Variants in PLEKHH2 observed in about 807,000 individuals in gnomAD.
The protein encoded by PLEKHH2 is pleckstrin homology, MyTH4 and FERM domain containing H2.
Under a neutral mutation model 187.9 loss-of-function variants are expected in PLEKHH2, and 129 were observed. The observed-to-expected ratio is 0.69, with a 90% CI of 0.59 to 0.79. PLEKHH2 has a LOEUF of 0.79. Among genes scored for constraint, PLEKHH2 ranks in the 30% least tolerant of loss-of-function variants. The probability of loss-of-function intolerance (pLI) is 0.00; values close to 1 mark genes in which losing one functional copy is unlikely to be tolerated. For synonymous variants in PLEKHH2, 686 were observed against 605.6 expected (o/e 1.13, Z -1.95); for missense variants, 2,076 against 1,751.2 (o/e 1.19, Z -3.31).
chr2:43,706,136 A>G (rs962300102), intron 9 of PLEKHH2, among the ~76,000 whole-genome samples, 186 bp from the exon 10 acceptor site: 4 of 152,232 alleles, frequency 2.6e-5, no homozygotes, highest in African/African-American at 9.6e-5. Context: ...ATAATGAACC[A>G]TGTAAAAAAG....
rs1273740386 is a variant in PLEKHH2, at chr2:43,699,981, T to C, written c.1023T>C (p.Phe341=). The C allele has an allele frequency of 1.2e-5, 20 of 1,614,208 alleles. No homozygotes were observed. The highest frequency in any genetic ancestry group is 1.7e-5 in the Non-Finnish European group (20 of 1,180,032). ...GCTCTATATTTGAGGAAGAGACTTT[T>C]GGCATAAAGAGACCAGAACACAAGA... ...DSSSIFEEET[F]GIKRPEHKKL... is the part of the protein sequence containing the mutation. Residue 341 remains phenylalanine (F), a synonymous_variant, in exon 8 of 30, where the codon TTT becomes TTC. Transcript: ENST00000282406.
chr2:43,644,944 A>G, intron 2 of PLEKHH2, 148 bp downstream of exon 2: 3 of 902,050 alleles, frequency 3.3e-6, no homozygotes, highest in East Asian at 3.0e-5. Flanking sequence ...TGCCAGTGTT[A>G]GGGTAGATTG....
rs758923851 is a variant in PLEKHH2 at position 43,765,519 on chromosome 2, G to A, written c.4403G>A (p.Arg1468Gln). 1.2e-5 allele frequency: 20 copies of A among 1,613,726 alleles called. No homozygotes were observed. The highest frequency in any genetic ancestry group is 3.3e-5 in the Admixed American group (2 of 59,970). Reference protein sequence around the residue: ...SAPALLSAQTRGPQARMMGSQ... With the variant: ...SAPALLSAQTQGPQARMMGSQ... ...CCAGCACTGCTCTCAGCCCAGACCC[G>A]GGGACCCCAAGCCAGAATGATGGGA... Residue 1468 changes from arginine to glutamine, a missense_variant, in exon 30 of 30, where the codon CGG becomes CAG. Coordinates refer to ENST00000282406, the MANE Select transcript of PLEKHH2 (RefSeq NM_172069.4).
At chr2:43,739,048 C>A (rs567837460) in intron 20 of PLEKHH2, among the ~76,000 whole-genome samples, 1 of 152,256 alleles carries the variant, frequency 6.6e-6, no homozygotes, top group African/African-American at 2.4e-5. Context: ...TGTGCCAACA[C>A]TCCCGGCTAA....
intron 19 of PLEKHH2, among the ~76,000 whole-genome samples, chr2:43,737,475 T>G (rs1338624319): frequency 6.6e-6 from 1 of 152,222 alleles, no homozygotes; most frequent in African/African-American, 2.4e-5. Context: ...TCACACAGTT[T>G]TGAAGGGTCA....
chr2:43,695,377 C>T (rs913805410), intron 6 of PLEKHH2, among the ~76,000 whole-genome samples, 153 bp downstream of exon 6: 2 of 152,204 alleles, frequency 1.3e-5, no homozygotes, highest in African/African-American at 4.8e-5. Flanking sequence ...AGAAGTCCTG[C>T]ATTCGAGTGA....
At chr2:43,695,063 C>T in intron 5 of PLEKHH2, 80 bp from the exon 6 acceptor site, 1 of 711,812 alleles carries the variant, frequency 1.4e-6, no homozygotes. Flanking sequence ...TAAATATTAA[C>T]ATTTTCTAAT....
intron 1 of PLEKHH2, 114 bp downstream of exon 1, chr2:43,637,493 G>T (rs990695438): frequency 6.6e-6 from 1 of 152,586 alleles, no homozygotes; most frequent in Non-Finnish European, 1.5e-5. Context: ...TTGGGGCGCC[G>T]GGAGGAGCGG....
chr2:43,702,721 G>A (rs900589275), intron 8 of PLEKHH2, among the ~76,000 whole-genome samples: 2 of 151,922 alleles, frequency 1.3e-5, no homozygotes, highest in African/African-American at 4.8e-5. Flanking sequence ...ATAAATATGA[G>A]TTTATTTTAA....
intron 14 of PLEKHH2, 115 bp downstream of exon 14, chr2:43,710,690 G>A (rs760812634): frequency 9.5e-6 from 14 of 1,471,880 alleles, no homozygotes; most frequent in African/African-American, 2.9e-5. Flanking sequence ...ATTCACTTTG[G>A]GGGGTTAGTT....
chr2:43,650,266 G>A (rs968939846), intron 2 of PLEKHH2, among the ~76,000 whole-genome samples: 1 of 150,062 alleles, frequency 6.7e-6, no homozygotes, highest in Non-Finnish European at 1.5e-5. Context: ...CTGAGTAGCT[G>A]GGATTACAGG....
chr2:43,764,444 C>A, intron 29 of PLEKHH2, 79 bp downstream of exon 29: 1 of 1,416,498 alleles, frequency 7.1e-7, no homozygotes, highest in Non-Finnish European at 9.7e-7. Context: ...AAAAGCAATG[C>A]TAATTGTTTT....
chr2:43,754,031 T>C (rs1672105884), intron 25 of PLEKHH2, among the ~76,000 whole-genome samples: 1 of 152,120 alleles, frequency 6.6e-6, no homozygotes, highest in African/African-American at 2.4e-5. Flanking sequence ...ATAAAGGAAT[T>C]GGAGTGTAGA....
intron 6 of PLEKHH2, among the ~76,000 whole-genome samples, chr2:43,695,952 C>T (rs1162974364): frequency 1.3e-5 from 2 of 152,120 alleles, no homozygotes; most frequent in African/African-American, 4.8e-5. Context: ...TCCATGTGTT[C>T]TTAGATGCCT....
intron 1 of PLEKHH2, among the ~76,000 whole-genome samples, chr2:43,640,083 T>C (rs1703304418): frequency 6.6e-6 from 1 of 152,122 alleles, no homozygotes; most frequent in Admixed American, 6.5e-5. Flanking sequence ...ATTTCATCCC[T>C]TGGCATATGA....
chr2:43,674,730 A>G (rs995366473), intron 2 of PLEKHH2, among the ~76,000 whole-genome samples: 1 of 152,098 alleles, frequency 6.6e-6, no homozygotes. Flanking sequence ...CATGCCTGTA[A>G]TCTCAGCACT....
At chr2:43,639,384 A>C (rs959421984) in intron 1 of PLEKHH2, among the ~76,000 whole-genome samples, 1 of 152,072 alleles carries the variant, frequency 6.6e-6, no homozygotes, top group Non-Finnish European at 1.5e-5. Context: ...TATTTTCATC[A>C]CCCCAAAAAG....
intron 1 of PLEKHH2, among the ~76,000 whole-genome samples, chr2:43,640,337 G>A (rs80213426): frequency 0.056 from 8,481 of 151,822 alleles, 251 homozygotes; most frequent in Middle Eastern, 0.075. Flanking sequence ...CCACAGGTAA[G>A]CTCCCCGACG....
At position 43,764,248 on chromosome 2, in the gene PLEKHH2, G is replaced by A. The variant is rs751727837; in HGVS notation, c.4179G>A (p.Val1393=). 1 of 1,549,140 alleles carries A rather than the reference G, an allele frequency of 6.5e-7. No individual in the cohort carries two copies. The highest frequency in any genetic ancestry group is 2.3e-5 in the East Asian group (1 of 43,576). The change falls in exon 29 of 30, where the codon GTG becomes GTA. Residue 1393 remains valine (V), a synonymous_variant. Coordinates refer to ENST00000282406, the MANE Select transcript of PLEKHH2 (RefSeq NM_172069.4). ...YNSMRLIVSY[V]YKSLMTFGGY... is the part of the protein sequence containing the mutation. The stretch of plus-strand genomic sequence containing the variant: ...TAAAGAGGTTAATAGTCAGCTATGT[G>A]TACAAGAGTCTAATGACCTTTGGAG...
Sources: allele counts gnomAD v4.1 joint callset (sites outside exome capture counted in the v4.1 genomes callset), GRCh38; gene constraint gnomAD v4.1.1; transcripts MANE v1.5; gene names NCBI Gene and HGNC (gene_info 2026-07-23, HGNC 2026-07-21).